The following LRRC4C variants were observed in gnomAD, a reference collection of about 807,000 sequenced individuals.
The protein encoded by LRRC4C is leucine rich repeat containing 4C.
Under a neutral mutation model 33.6 loss-of-function variants are expected in LRRC4C, and 5 were observed. That is an observed-to-expected ratio of 0.15 (90% CI 0.08 to 0.31). The LOEUF (loss-of-function observed/expected upper bound fraction) is 0.31, where lower values mean the gene tolerates loss of function less well. LRRC4C is among the 10% of genes least tolerant of loss of function. The pLI, the probability that LRRC4C is intolerant of heterozygous loss-of-function variation, is 1.00. For synonymous variants in LRRC4C, 329 were observed against 302.0 expected, an observed-to-expected ratio of 1.09 and a Z score of -0.93; for missense variants, 560 against 796.7, an observed-to-expected ratio of 0.70 and a Z score of 3.58.
chr11:40,930,036 G>C (rs1244855298), intron 2 of LRRC4C, among the ~76,000 whole-genome samples: 1 of 152,144 alleles, frequency 6.6e-6, no homozygotes, highest in African/African-American at 2.4e-5. Flanking sequence ...ATAATTCAGT[G>C]AAAGTTTCTT....
intron 3 of LRRC4C, among the ~76,000 whole-genome samples, chr11:40,559,953 G>A (rs1495310): frequency 0.57 from 86,178 of 151,896 alleles, 24,836 homozygotes; most frequent in East Asian, 0.79. Context: ...TGGTTTCCTT[G>A]AAGTTTATGG....
At chr11:41,279,657 C>T (rs1949602571) in intron 1 of LRRC4C, among the ~76,000 whole-genome samples, 1 of 152,156 alleles carries the variant, frequency 6.6e-6, no homozygotes, top group African/African-American at 2.4e-5. Context: ...GAATTCTTAT[C>T]TCTGCCTCTA....
chr11:40,499,118 G>T (rs1954615933), intron 3 of LRRC4C, among the ~76,000 whole-genome samples: 1 of 152,162 alleles, frequency 6.6e-6, no homozygotes, highest in Non-Finnish European at 1.5e-5. Context: ...AGTGGGCTTG[G>T]CAGGAGAGCC....
intron 1 of LRRC4C, among the ~76,000 whole-genome samples, chr11:41,168,341 T>G (rs1425066359): frequency 6.6e-6 from 1 of 151,944 alleles, no homozygotes; most frequent in African/African-American, 2.4e-5. Flanking sequence ...TGATGAGGAG[T>G]GAACTACAGA....
At chr11:40,811,379 A>G (rs1951481234) in intron 2 of LRRC4C, among the ~76,000 whole-genome samples, 1 of 152,222 alleles carries the variant, frequency 6.6e-6, no homozygotes, top group Non-Finnish European at 1.5e-5. Flanking sequence ...GTACAAGAAC[A>G]TAAGTACCTT....
intron 3 of LRRC4C, among the ~76,000 whole-genome samples, chr11:40,554,808 G>A (rs1432470925): frequency 3.3e-5 from 4 of 122,174 alleles, no homozygotes; most frequent in Admixed American, 9.6e-5. Context: ...TGCAAGCTCC[G>A]CCTCCCGGGT....
At chr11:40,216,308 T>A (rs1298019257) in intron 5 of LRRC4C, among the ~76,000 whole-genome samples, 1 of 152,192 alleles carries the variant, frequency 6.6e-6, no homozygotes, top group Non-Finnish European at 1.5e-5. Flanking sequence ...TGTAGATTTC[T>A]ACTATGACTG....
Position 40,460,263 on chromosome 11 carries a change from A to G in LRRC4C, c.-269-140542T>C, listed in dbSNP as rs1479201352. On this transcript the variant is annotated intron_variant, in intron 3 of 6. Coordinates refer to ENST00000528697, the MANE Select transcript of LRRC4C (RefSeq NM_001258419.2). Reference sequence around the variant, plus strand: ...CATGTTTGCAATACATGGTTTCTGTACTACAGAACCTAACATTTGAAAGGA... The same window carrying G: ...CATGTTTGCAATACATGGTTTCTGTGCTACAGAACCTAACATTTGAAAGGA... Among the ~76,000 whole-genome samples the G allele has an allele frequency of 4.9e-4, 75 of 152,278 alleles. 1 individual carries two copies. The highest frequency in any genetic ancestry group is 8.8e-5 in the Non-Finnish European group (6 of 68,006).
intron 2 of LRRC4C, among the ~76,000 whole-genome samples, chr11:40,875,975 C>T (rs1196181843): frequency 1.7e-4 from 26 of 152,170 alleles, no homozygotes; most frequent in Non-Finnish European, 4.4e-5. Context: ...TATGTCCAGT[C>T]TACTTTGTAA....
intron 1 of LRRC4C, among the ~76,000 whole-genome samples, chr11:41,082,231 T>A (rs899256593): frequency 1.3e-5 from 2 of 152,144 alleles, no homozygotes; most frequent in Non-Finnish European, 2.9e-5. Context: ...GAAACGCATC[T>A]CAGAGACACG....
intron 1 of LRRC4C, among the ~76,000 whole-genome samples, chr11:41,024,152 A>G (rs751079478): frequency 1.3e-5 from 2 of 151,590 alleles, no homozygotes; most frequent in Non-Finnish European, 1.5e-5. Flanking sequence ...AAGTGTAGAT[A>G]CTAGATATAG....
intron 2 of LRRC4C, among the ~76,000 whole-genome samples, chr11:40,797,397 A>G (rs1950876428): frequency 6.6e-6 from 1 of 152,158 alleles, no homozygotes; most frequent in South Asian, 2.1e-4. Context: ...ATCTTGGGAC[A>G]TCTAGTTGGA....
intron 1 of LRRC4C, among the ~76,000 whole-genome samples, chr11:40,936,121 T>C (rs1457964644): frequency 7.2e-6 from 1 of 138,764 alleles, no homozygotes; most frequent in African/African-American, 2.6e-5. Flanking sequence ...GCAATGTAAC[T>C]GAGCTGCAAT....
At chr11:40,282,922 A>G (rs1418491523) in intron 4 of LRRC4C, among the ~76,000 whole-genome samples, 1 of 152,232 alleles carries the variant, frequency 6.6e-6, no homozygotes, top group African/African-American at 2.4e-5. Flanking sequence ...TAATGAAGGT[A>G]CTTTTATTAG....
At chr11:40,591,234 C>G (rs984985493) in intron 3 of LRRC4C, among the ~76,000 whole-genome samples, 1 of 152,100 alleles carries the variant, frequency 6.6e-6, no homozygotes, top group African/African-American at 2.4e-5. Flanking sequence ...GGGAGCGACC[C>G]GATTTTCCAG....
chr11:40,426,108 G>A (rs560005581), intron 3 of LRRC4C, among the ~76,000 whole-genome samples: 2 of 151,368 alleles, frequency 1.3e-5, no homozygotes, highest in Admixed American at 6.6e-5. Flanking sequence ...CCTCCTCCTG[G>A]GTTCAAGTGA....
intron 2 of LRRC4C, among the ~76,000 whole-genome samples, chr11:40,710,448 C>G (rs1429151360): frequency 6.6e-6 from 1 of 152,158 alleles, no homozygotes; most frequent in East Asian, 1.9e-4. Flanking sequence ...ACAGTCAGGT[C>G]CCTCAGCTGC....
intron 1 of LRRC4C, among the ~76,000 whole-genome samples, chr11:41,195,231 G>T (rs1946131550): frequency 6.6e-6 from 1 of 151,976 alleles, no homozygotes; most frequent in Non-Finnish European, 1.5e-5. Flanking sequence ...TTTGTAAATT[G>T]CCCATTAAAG....
intron 1 of LRRC4C, among the ~76,000 whole-genome samples, chr11:41,143,277 T>C (rs1482582186): frequency 6.6e-6 from 1 of 152,088 alleles, no homozygotes; most frequent in Non-Finnish European, 1.5e-5. Context: ...CATGAATACA[T>C]TCTTTTTAAA....
Sources: gnomAD v4.1 joint callset for allele counts (sites outside exome capture counted in the v4.1 genomes callset) on GRCh38, gnomAD v4.1.1 for gene constraint, MANE v1.5 for transcripts, NCBI Gene and HGNC (gene_info 2026-07-23, HGNC 2026-07-21) for gene names.